The following KANK1 variants were observed in gnomAD, a reference collection of about 807,000 sequenced individuals.
KANK1 encodes the protein KN motif and ankyrin repeat domain-containing protein 1.
In KANK1, 109 loss-of-function variants were observed where a neutral mutation model predicts 106.2. That is an observed-to-expected ratio of 1.03 (90% CI 0.88 to 1.20). The LOEUF is 1.20. KANK1 is among the 50% of genes most tolerant of loss of function. The probability of loss-of-function intolerance (pLI) is 0.00; values close to 1 mark genes in which losing one functional copy is unlikely to be tolerated. For missense variants in KANK1, 2,399 were observed against 1,710.7 expected (o/e 1.40, Z -7.10); for synonymous variants, 873 against 652.2 (o/e 1.34, Z -5.16).
At chr9:629,245 A>G (rs2078544) in intron 1 of KANK1, among the ~76,000 whole-genome samples, 1 of 151,938 alleles carries the variant, frequency 6.6e-6, no homozygotes, top group South Asian at 2.1e-4. Context: ...ACTTTTTAGC[A>G]CCAGGGGAGT....
At chr9:471,157 C>T (rs1212485281) in intron 2 of KANK1, among the ~76,000 whole-genome samples, 2 of 152,190 alleles carry the variant, frequency 1.3e-5, no homozygotes, top group African/African-American at 4.8e-5. Flanking sequence ...ATCTGATCAT[C>T]AATTATATCA....
intron 8 of KANK1, among the ~76,000 whole-genome samples, chr9:739,113 T>G (rs908815557): frequency 3.3e-5 from 5 of 152,280 alleles, no homozygotes; most frequent in Non-Finnish European, 7.4e-5. Flanking sequence ...TATCCCAGAA[T>G]AGAGCCAGTG....
intron 1 of KANK1, among the ~76,000 whole-genome samples, chr9:607,423 T>C (rs1402740542): frequency 1.4e-5 from 2 of 142,372 alleles, no homozygotes; most frequent in African/African-American, 5.3e-5. Context: ...AAGCAGAGGT[T>C]GCAGTGAGCC....
chr9:639,087 T>C (rs1457287022), intron 1 of KANK1, among the ~76,000 whole-genome samples: 2 of 152,144 alleles, frequency 1.3e-5, no homozygotes, highest in African/African-American at 4.8e-5. Flanking sequence ...AAAACACTCT[T>C]AGGACATGCT....
intron 1 of KANK1, among the ~76,000 whole-genome samples, chr9:546,796 C>T (rs1222621599): frequency 1.3e-5 from 2 of 151,896 alleles, no homozygotes; most frequent in East Asian, 1.9e-4. Context: ...CAACCAAGTA[C>T]GGGCTAATCT....
chr9:694,216 C>T (rs938598004), intron 2 of KANK1, among the ~76,000 whole-genome samples: 25 of 152,128 alleles, frequency 1.6e-4, no homozygotes, highest in African/African-American at 5.6e-4. Context: ...ACTAGCTTTC[C>T]ACTACCACCC....
intron 1 of KANK1, among the ~76,000 whole-genome samples, chr9:642,735 G>C (rs935971048): frequency 6.7e-6 from 1 of 149,036 alleles, no homozygotes; most frequent in Admixed American, 6.7e-5. Context: ...TTCTCTCTCT[G>C]TCTTTCACAA....
At chr9:562,190 C>T (rs1482115868) in intron 1 of KANK1, among the ~76,000 whole-genome samples, 1 of 150,552 alleles carries the variant, frequency 6.6e-6, no homozygotes, top group South Asian at 2.1e-4. Context: ...ATAGCTGGGA[C>T]TACAGGCGCC....
chr9:525,393 G>C (rs564406292), intron 1 of KANK1, among the ~76,000 whole-genome samples: 1 of 143,916 alleles, frequency 6.9e-6, no homozygotes, highest in South Asian at 2.2e-4. Flanking sequence ...GTATTTATTT[G>C]AGACAGAGTC....
At chr9:680,428 G>A (rs764166096) in intron 2 of KANK1, among the ~76,000 whole-genome samples, 1 of 152,080 alleles carries the variant, frequency 6.6e-6, no homozygotes, top group Non-Finnish European at 1.5e-5. Context: ...CTTTTAAAAC[G>A]AGCTATTCAT....
At chr9:542,866 G>A (rs1035776668) in intron 1 of KANK1, among the ~76,000 whole-genome samples, 17 of 152,184 alleles carry the variant, frequency 1.1e-4, no homozygotes, top group African/African-American at 3.6e-4. Flanking sequence ...AGCTGAGAGC[G>A]GAGTGGTGGT....
At chr9:667,672 C>T (rs909151281) in intron 1 of KANK1, among the ~76,000 whole-genome samples, 8 of 150,752 alleles carry the variant, frequency 5.3e-5, no homozygotes, top group African/African-American at 1.9e-4. Flanking sequence ...ATTTCTTCAT[C>T]AACTCATTGT....
At chr9:530,756 A>G (rs2060019807) in intron 1 of KANK1, among the ~76,000 whole-genome samples, 1 of 152,190 alleles carries the variant, frequency 6.6e-6, no homozygotes, top group African/African-American at 2.4e-5. Context: ...TGGAAGGCCC[A>G]GGAAGGTGGA....
intron 2 of KANK1, among the ~76,000 whole-genome samples, chr9:704,893 T>G (rs1157054501): frequency 1.3e-5 from 2 of 148,646 alleles, no homozygotes; most frequent in African/African-American, 5.0e-5. Flanking sequence ...CTCAGGAAGC[T>G]GAGGCGGGAG....
intron 1 of KANK1, among the ~76,000 whole-genome samples, chr9:670,064 A>T (rs1273638485): frequency 6.6e-6 from 1 of 152,084 alleles, no homozygotes; most frequent in Non-Finnish European, 1.5e-5. Context: ...CAATTTCAAG[A>T]TTCGTTTGAT....
chr9:509,837 C>T (rs916315532), intron 1 of KANK1, among the ~76,000 whole-genome samples: 1 of 152,096 alleles, frequency 6.6e-6, no homozygotes, highest in Non-Finnish European at 1.5e-5. Context: ...CATTGTGTCA[C>T]CCAGGCTGGA....
chr9:741,526 C>T (rs1347217898), intron 9 of KANK1, among the ~76,000 whole-genome samples: 1 of 144,914 alleles, frequency 6.9e-6, no homozygotes, highest in Non-Finnish European at 1.5e-5. Context: ...CTCATTCTGT[C>T]ACCCAGGCTG....
chr9:744,603 A>G lies in KANK1; in HGVS notation c.3996+14A>G, dbSNP rs762408397. 22 of 1,613,940 alleles carry G rather than the reference A, an allele frequency of 1.4e-5. 1 individual carries two copies. The South Asian group carries it at 2.2e-4, about 16-fold the overall frequency. ...GCCCAGTCTCCGGTCAGTGTTGTGC[A>G]TTTGGCATTTGTAAATAGGCTGAAA... On this transcript the variant is annotated intron_variant, in intron 11 of 11. Coordinates refer to ENST00000382297, the MANE Select transcript of KANK1 (RefSeq NM_015158.5).
At chr9:503,100 A>C (rs2132511746), upstream of KANK1, among the ~76,000 whole-genome samples, 1 of 150,354 alleles carries the variant, frequency 6.7e-6, no homozygotes, top group South Asian at 2.1e-4. Context: ...CGGCCTCCCA[A>C]AGTGTGAGGA....
Sources: allele counts gnomAD v4.1 joint callset (sites outside exome capture counted in the v4.1 genomes callset), GRCh38; gene constraint gnomAD v4.1.1; transcripts MANE v1.5; gene names NCBI Gene and HGNC (gene_info 2026-07-23, HGNC 2026-07-21).